ADCK1: variants seen among roughly 807,000 people sequenced by gnomAD.
ADCK1 encodes aarF domain containing kinase 1.
A neutral mutation model predicts 52.3 loss-of-function variants in ADCK1; 41 were observed. That is an observed-to-expected ratio of 0.78 (90% CI 0.61 to 1.02). The LOEUF (loss-of-function observed/expected upper bound fraction) is 1.02, where lower values mean the gene tolerates loss of function less well. Among genes scored for constraint, ADCK1 ranks in the 50% least tolerant of loss-of-function variants. The pLI, the probability that ADCK1 is intolerant of heterozygous loss-of-function variation, is 0.00. For synonymous variants in ADCK1, 250 were observed against 274.6 expected, an observed-to-expected ratio of 0.91 and a Z score of 0.89; for missense variants, 658 against 679.5, an observed-to-expected ratio of 0.97 and a Z score of 0.35.
intron 3 of ADCK1, among the ~76,000 whole-genome samples, chr14:77,833,332 C>T (rs1312016928): frequency 1.3e-5 from 2 of 152,220 alleles, no homozygotes; most frequent in Middle Eastern, 3.2e-3. Flanking sequence ...TTTTCAAGCA[C>T]TGTGCGTCTA....
intron 4 of ADCK1, among the ~76,000 whole-genome samples, chr14:77,863,614 A>T: frequency 6.6e-6 from 1 of 152,106 alleles, no homozygotes; most frequent in East Asian, 1.9e-4. Flanking sequence ...AGGTGGGTGG[A>T]TCACTTGAGG....
At chr14:77,897,135 G>A (rs919048871) in intron 5 of ADCK1, among the ~76,000 whole-genome samples, 1 of 152,198 alleles carries the variant, frequency 6.6e-6, no homozygotes, top group Non-Finnish European at 1.5e-5. Flanking sequence ...CAGGCCCACA[G>A]CTTGTTAGTT....
At chr14:77,859,363 G>C in intron 4 of ADCK1, 84 bp downstream of exon 4, 2 of 1,366,740 alleles carry the variant, frequency 1.5e-6, no homozygotes, top group Non-Finnish European at 2.0e-6. Flanking sequence ...CTCGACCAGG[G>C]TGCTGGGGAT....
chr14:77,832,716 C>T (rs766925582), intron 3 of ADCK1, among the ~76,000 whole-genome samples: 1 of 152,206 alleles, frequency 6.6e-6, no homozygotes, highest in African/African-American at 2.4e-5. Context: ...GGTGCTGGCT[C>T]TTTGCTTCAG....
chr14:77,903,513 G>A (rs866519977), intron 6 of ADCK1, among the ~76,000 whole-genome samples: 8 of 152,230 alleles, frequency 5.3e-5, no homozygotes, highest in South Asian at 4.1e-4. Context: ...GAGGGTGAGG[G>A]GGCAGCTAGG....
intron 3 of ADCK1, among the ~76,000 whole-genome samples, chr14:77,840,609 A>C (rs1263698495): frequency 6.6e-6 from 1 of 152,030 alleles, no homozygotes; most frequent in Non-Finnish European, 1.5e-5. Flanking sequence ...GCACTTTGGG[A>C]GGCTGAGGGG....
chr14:77,863,259 G>A (rs912039201), intron 4 of ADCK1, among the ~76,000 whole-genome samples: 5 of 152,134 alleles, frequency 3.3e-5, no homozygotes, highest in African/African-American at 1.2e-4. Context: ...GCATGTGGTC[G>A]GGTGGTTGAA....
chr14:77,895,461 T>G (rs1824745434), intron 5 of ADCK1, among the ~76,000 whole-genome samples: 1 of 152,216 alleles, frequency 6.6e-6, no homozygotes, highest in Non-Finnish European at 1.5e-5. Flanking sequence ...TGTGGAGTGT[T>G]GAGTAGGTGG....
chr14:77,887,123 C>T lies in ADCK1; in HGVS notation c.456C>T (p.Thr152=), dbSNP rs772829815. ...IHDLFQSFDD[T]PLGTASLAQV... ...ATTTGTTCCAGAGCTTCGATGACAC[C>T]CCTCTGGGGACGGCCTCCCTGGCCC... The change falls in exon 5 of 11, where the codon ACC becomes ACT. Residue 152 remains threonine (T), a synonymous_variant. Coordinates refer to ENST00000238561, the MANE Select transcript of ADCK1 (RefSeq NM_020421.4). 9 of 1,602,686 alleles carry T rather than the reference C, an allele frequency of 5.6e-6. No homozygotes were observed. Among genetic ancestry groups the T allele is most frequent in the Non-Finnish European group, 7.7e-6 (9 of 1,174,912 alleles).
At chr14:77,895,103 T>G (rs1341859496) in intron 5 of ADCK1, among the ~76,000 whole-genome samples, 1 of 152,202 alleles carries the variant, frequency 6.6e-6, no homozygotes, top group African/African-American at 2.4e-5. Flanking sequence ...TTCCATTACA[T>G]TTCTGTGTGG....
At chr14:77,921,812 C>T (rs1342419954) in intron 7 of ADCK1, among the ~76,000 whole-genome samples, 3 of 152,100 alleles carry the variant, frequency 2.0e-5, no homozygotes, top group Admixed American at 6.5e-5. Context: ...GGCAAGGGCT[C>T]CCAATCCTGA....
rs573226556 is a variant in ADCK1 at position 77,924,504 on chromosome 14, T to C, written c.906T>C (p.Asn302=). 21 of 1,614,168 alleles carry C rather than the reference T, an allele frequency of 1.3e-5. No homozygotes were observed. Among genetic ancestry groups the C allele is most frequent in the African/African-American group, 4.0e-5 (3 of 75,074 alleles). Residue 302 remains asparagine, a synonymous_variant, in exon 8 of 11, where the codon AAT becomes AAC. Coordinates refer to ENST00000238561, the MANE Select transcript of ADCK1 (RefSeq NM_020421.4). ...GKMYSEMIFV[N]GFVHCDPHPG... is the part of the protein sequence containing the mutation. The stretch of plus-strand genomic sequence containing the variant: ...TGTATAGTGAGATGATCTTCGTCAA[T>C]GGCTTCGTGCACTGCGATCCCCACC...
chr14:77,811,501 T>C (rs1232950991), intron 1 of ADCK1, among the ~76,000 whole-genome samples: 2 of 152,022 alleles, frequency 1.3e-5, no homozygotes, highest in Non-Finnish European at 2.9e-5. Context: ...GTCAGTACAC[T>C]CTCCTGTCCA....
intron 4 of ADCK1, among the ~76,000 whole-genome samples, chr14:77,862,694 C>G (rs906571310): frequency 6.6e-6 from 1 of 152,220 alleles, no homozygotes; most frequent in Non-Finnish European, 1.5e-5. Flanking sequence ...AGCACCTTTT[C>G]CTTCATTCCT....
intron 7 of ADCK1, among the ~76,000 whole-genome samples, chr14:77,915,473 T>C (rs1017605520): frequency 5.9e-5 from 9 of 152,038 alleles, no homozygotes; most frequent in East Asian, 1.9e-4. Context: ...ATGTTTATTG[T>C]GGCACTATTC....
intron 1 of ADCK1, 102 bp from the exon 2 acceptor site, chr14:77,818,866 A>G: frequency 7.5e-7 from 1 of 1,332,874 alleles, no homozygotes; most frequent in South Asian, 1.4e-5. Flanking sequence ...TAATGATCCA[A>G]GGTCATATAA....
At chr14:77,863,345 A>G (rs112491116) in intron 4 of ADCK1, among the ~76,000 whole-genome samples, 1 of 152,126 alleles carries the variant, frequency 6.6e-6, no homozygotes, top group South Asian at 2.1e-4. Flanking sequence ...GAAGATATAG[A>G]TGGGGAGGTT....
At chr14:77,831,880 A>G (rs1460971871) in intron 3 of ADCK1, among the ~76,000 whole-genome samples, 1 of 152,188 alleles carries the variant, frequency 6.6e-6, no homozygotes, top group African/African-American at 2.4e-5. Context: ...ACAACTCTAT[A>G]ACTATTCCAC....
chr14:77,900,716 G>A (rs535152248), intron 6 of ADCK1: 33 of 400,050 alleles, frequency 8.2e-5, no homozygotes, highest in South Asian at 5.6e-4. Context: ...CGGCTCTGCT[G>A]GATGCAGCTT....
Sources: allele counts gnomAD v4.1 joint callset (sites outside exome capture counted in the v4.1 genomes callset), GRCh38; gene constraint gnomAD v4.1.1; transcripts MANE v1.5; gene names NCBI Gene and HGNC (gene_info 2026-07-23, HGNC 2026-07-21).